Variants in PRKG1 observed in about 807,000 individuals in gnomAD.
PRKG1 encodes protein kinase cGMP-dependent 1.
In PRKG1, 35 loss-of-function variants were observed where a neutral mutation model predicts 88.1. That is an observed-to-expected ratio of 0.40 (90% CI 0.30 to 0.53). The LOEUF (loss-of-function observed/expected upper bound fraction) is 0.53. Among genes scored for constraint, PRKG1 ranks in the 20% least tolerant of loss-of-function variants. The probability of loss-of-function intolerance (pLI) is 0.59; values close to 1 mark genes in which losing one functional copy is unlikely to be tolerated. For synonymous variants in PRKG1, 303 were observed against 292.5 expected (o/e 1.04, Z -0.37); for missense variants, 540 against 839.8 (o/e 0.64, Z 4.41).
rs544417604 is a variant in PRKG1 at position 51,075,319 on chromosome 10, G to A, written c.311+418G>A. 2.0e-5 allele frequency among the ~76,000 whole-genome samples: 3 copies of A among 152,270 alleles called. No homozygotes were observed. The East Asian group carries it at 5.8e-4, about 29-fold the overall frequency. ...GCTCATCAGACTTGAAATGAAATGC[G>A]TCTGATCACCCATACTTTCTATGCT... is the stretch of plus-strand genomic sequence containing the variant. On this transcript the variant is annotated intron_variant, in intron 1 of 17. Coordinates refer to ENST00000373980, the MANE Select transcript of PRKG1 (RefSeq NM_006258.4).
At chr10:51,222,866 A>G (rs902106889) in intron 2 of PRKG1, among the ~76,000 whole-genome samples, 4 of 152,072 alleles carry the variant, frequency 2.6e-5, no homozygotes, top group Non-Finnish European at 5.9e-5. Flanking sequence ...ATAAACAAAA[A>G]ATGTATATAT....
At chr10:51,117,301 T>C (rs943340626) in intron 1 of PRKG1, among the ~76,000 whole-genome samples, 8 of 152,192 alleles carry the variant, frequency 5.3e-5, no homozygotes, top group Non-Finnish European at 1.0e-4. Context: ...TTCTCCTTAT[T>C]GGGAAAGTCC....
At chr10:51,227,075 C>T (rs1181327660) in intron 2 of PRKG1, among the ~76,000 whole-genome samples, 1 of 151,616 alleles carries the variant, frequency 6.6e-6, no homozygotes, top group Non-Finnish European at 1.5e-5. Context: ...CACCTTTGAA[C>T]TCTTACAGAA....
intron 3 of PRKG1, among the ~76,000 whole-genome samples, chr10:51,477,681 C>T (rs6480275): frequency 0.084 from 12,841 of 152,022 alleles, 1,088 homozygotes; most frequent in African/African-American, 0.22. Context: ...AAGTTGTTAT[C>T]CTCACAGTTG....
At position 51,504,335 on chromosome 10, in the gene PRKG1, T is replaced by C. The variant is rs139946325; in HGVS notation, c.592+36499T>C. Among the ~76,000 whole-genome samples, 1,062 of 152,288 alleles carry C rather than the reference T, an allele frequency of 7.0e-3. 16 individuals carry two copies. Among genetic ancestry groups the C allele is most frequent in the African/African-American group, 0.024 (1,009 of 41,570 alleles). On this transcript the variant is annotated intron_variant, in intron 3 of 17. Transcript: ENST00000373980. ...GTTCTGTTCCATTGGTATATATCTC[T>C]GTTTTGGTACCAGTACCATGCTATT...
intron 1 of PRKG1, among the ~76,000 whole-genome samples, chr10:51,049,825 G>A (rs1398819758): frequency 1.3e-5 from 2 of 152,046 alleles, no homozygotes; most frequent in African/African-American, 4.8e-5. Flanking sequence ...GTTTTATTTT[G>A]TAATAATTCT....
chr10:51,263,830 G>A (rs1273361640), intron 2 of PRKG1, among the ~76,000 whole-genome samples: 2 of 152,178 alleles, frequency 1.3e-5, no homozygotes, highest in African/African-American at 4.8e-5. Flanking sequence ...AAAGAGAAGA[G>A]TTAGAGGTTA....
intron 2 of PRKG1, among the ~76,000 whole-genome samples, chr10:51,335,508 A>G (rs1841852971): frequency 6.6e-6 from 1 of 152,102 alleles, no homozygotes; most frequent in African/African-American, 2.4e-5. Flanking sequence ...AATATAATTT[A>G]GGTACACTTT....
intron 5 of PRKG1, among the ~76,000 whole-genome samples, chr10:51,962,293 G>A (rs1843466290): frequency 6.6e-6 from 1 of 152,152 alleles, no homozygotes; most frequent in Admixed American, 6.6e-5. Context: ...GGGAACACTA[G>A]TCTTGCAGCT....
At chr10:51,128,067 T>C (rs1456429043) in intron 1 of PRKG1, among the ~76,000 whole-genome samples, 1 of 152,128 alleles carries the variant, frequency 6.6e-6, no homozygotes, top group Non-Finnish European at 1.5e-5. Context: ...ATGGCACATG[T>C]ATACCTAAGT....
chr10:51,897,602 A>C (rs1400169044), intron 4 of PRKG1, among the ~76,000 whole-genome samples: 3 of 152,184 alleles, frequency 2.0e-5, no homozygotes, highest in African/African-American at 7.2e-5. Context: ...TGAATATTTA[A>C]AAATTAAATT....
chr10:51,243,498 G>A (rs1277788689), intron 2 of PRKG1, among the ~76,000 whole-genome samples: 1 of 152,136 alleles, frequency 6.6e-6, no homozygotes, highest in African/African-American at 2.4e-5. Flanking sequence ...TGCCTACCTA[G>A]TTCCCCATGT....
rs11337114 is a variant in PRKG1 at position 51,528,571 on chromosome 10, C to CA, written c.592+60747dup. Among the ~76,000 whole-genome samples the CA allele has an allele frequency of 7.2e-3, 1,011 of 140,792 alleles. 8 individuals carry two copies. Among genetic ancestry groups the CA allele is most frequent in the African/African-American group, 0.013 (481 of 37,780 alleles). 92.4% of individuals were successfully genotyped at this position (140,792 alleles called of 152,430 possible). The stretch of plus-strand genomic sequence containing the variant: ...TTTTTCTAAATTACATTCAGTACAG[C>CA]AAAAAAAAAAAACAAATTCAGAGGT... On this transcript the variant is annotated intron_variant, in intron 3 of 17. Transcript: ENST00000373980.
chr10:51,393,323 C>T (rs888201102), intron 2 of PRKG1, among the ~76,000 whole-genome samples: 2 of 149,784 alleles, frequency 1.3e-5, no homozygotes, highest in African/African-American at 5.0e-5. Context: ...AAGAGGCGCT[C>T]CTCACTTCCT....
chr10:52,031,765 G>A (rs1193330527), intron 5 of PRKG1, among the ~76,000 whole-genome samples: 3 of 152,156 alleles, frequency 2.0e-5, no homozygotes, highest in Non-Finnish European at 4.4e-5. Flanking sequence ...AGAACAAAAG[G>A]TAGAATGATA....
intron 9 of PRKG1, among the ~76,000 whole-genome samples, chr10:52,238,740 A>C (rs1255323662): frequency 1.0e-4 from 15 of 149,126 alleles, no homozygotes; most frequent in African/African-American, 3.5e-4. Context: ...AAACTAGTTC[A>C]ACCATTGTGG....
At chr10:51,552,535 T>C (rs1284581097) in intron 3 of PRKG1, among the ~76,000 whole-genome samples, 1 of 151,658 alleles carries the variant, frequency 6.6e-6, no homozygotes, top group Non-Finnish European at 1.5e-5. Flanking sequence ...TAGTTACCAA[T>C]ATTACAGTCA....
intron 3 of PRKG1, chr10:51,697,690 T>C (rs1235717345): frequency 6.2e-7 from 1 of 1,613,360 alleles, no homozygotes; most frequent in Non-Finnish European, 8.5e-7. Flanking sequence ...AAATATTTTC[T>C]AAAACCTTTC....
At chr10:51,208,540 G>C (rs1341028703) in intron 2 of PRKG1, among the ~76,000 whole-genome samples, 1 of 152,156 alleles carries the variant, frequency 6.6e-6, no homozygotes, top group African/African-American at 2.4e-5. Context: ...GGATGAAAAG[G>C]GTTAGGGGAG....
Sources: allele counts gnomAD v4.1 joint callset (sites outside exome capture counted in the v4.1 genomes callset), GRCh38; gene constraint gnomAD v4.1.1; transcripts MANE v1.5; gene names NCBI Gene and HGNC (gene_info 2026-07-23, HGNC 2026-07-21).